MMAB: variants seen among roughly 807,000 people sequenced by gnomAD.
MMAB encodes the protein metabolism of cobalamin associated B, also known as corrinoid adenosyltransferase MMAB.
In MMAB, 17 loss-of-function variants were observed where a neutral mutation model predicts 30.6. The ratio of observed to expected loss-of-function variants is 0.56; its 90% CI spans 0.38 to 0.83. The LOEUF is 0.83. MMAB is among the 40% of genes least tolerant of loss of function. The pLI is 0.00. For synonymous variants in MMAB, 134 were observed against 138.6 expected, an observed-to-expected ratio of 0.97 and a Z score of 0.23; for missense variants, 311 against 331.6, an observed-to-expected ratio of 0.94 and a Z score of 0.48.
Position 109,555,274 on chromosome 12 carries a change from G to GGTTTTTTTTTTTTT in MMAB, c.*1740_*1753dup. 3.0e-6 allele frequency: 1 copy of GGTTTTTTTTTTTTT among 338,528 alleles called. No homozygotes were observed. 21.0% of individuals were successfully genotyped at this position (338,528 alleles called of 1,614,324 possible). On this transcript the variant is annotated 3_prime_UTR_variant, in exon 9 of 9. Coordinates refer to ENST00000545712, the MANE Select transcript of MMAB (RefSeq NM_052845.4). ...CGAGCCTTAGTGATTGCGTTTTCAG[G>GGTTTTTTTTTTTTT]GTTTTTTTTTTTTTTTTTTTTTTTT... is the stretch of plus-strand genomic sequence containing the variant.
At chr12:109,567,379 C>T (rs1028582742) in intron 3 of MMAB, among the ~76,000 whole-genome samples, 1 of 152,116 alleles carries the variant, frequency 6.6e-6, no homozygotes, top group Non-Finnish European at 1.5e-5. Flanking sequence ...CAATCAGCAG[C>T]GGTGCTGAAA....
chr12:109,566,884 T>C (rs1043834228), intron 3 of MMAB: 10 of 434,772 alleles, frequency 2.3e-5, no homozygotes, highest in East Asian at 7.1e-5. Context: ...TTTTCTCCCT[T>C]TGCCCACTTG....
intron 3 of MMAB, among the ~76,000 whole-genome samples, chr12:109,567,461 A>G (rs1382060462): frequency 2.6e-5 from 4 of 152,174 alleles, no homozygotes; most frequent in African/African-American, 9.6e-5. Context: ...TTCAGGATCC[A>G]GCACCTGAGA....
In MMAB at chr12:109,566,736, G is replaced by A. The variant is rs148007459; in HGVS notation, c.291-1560C>T. On this transcript the variant is annotated intron_variant, in intron 3 of 8. Coordinates refer to ENST00000545712, the MANE Select transcript of MMAB (RefSeq NM_052845.4). ...GAGGTTCTCTGTTGAGCAGCGCCTC[G>A]CACTGCAGATGCTTGGTCAATATCT... is the stretch of plus-strand genomic sequence containing the variant. Among the ~76,000 whole-genome samples the A allele has an allele frequency of 3.9e-5, 6 of 152,364 alleles. No homozygotes were observed. In the East Asian group the frequency reaches 5.8e-4, roughly 15 times the overall value.
In MMAB at chr12:109,561,397, G is replaced by A. The variant is rs188462301; in HGVS notation, c.519+23C>T. 8.2e-4 allele frequency: 1,273 copies of A among 1,548,780 alleles called. 1 individual carries two copies. Among genetic ancestry groups the A allele is most frequent in the Non-Finnish European group, 1.0e-3 (1,163 of 1,145,874 alleles). ...ACTGAACCTGCCTGCAGCCGCCCCCGGTTAAGCCTGCCCAGTACCTACAGG... is the reference window on the plus strand; with the variant it reads ...ACTGAACCTGCCTGCAGCCGCCCCCAGTTAAGCCTGCCCAGTACCTACAGG... On this transcript the variant is annotated intron_variant, in intron 6 of 8. Transcript: ENST00000545712. This position sits in a 1 kb window ranked among gnomAD's most constrained non-coding sequence, Gnocchi z 5.3.
intron 3 of MMAB, among the ~76,000 whole-genome samples, chr12:109,565,969 C>T (rs1884408419): frequency 6.6e-6 from 1 of 152,120 alleles, no homozygotes; most frequent in African/African-American, 2.4e-5. Context: ...GCAGGGATTC[C>T]TGGAGGAGGG....
rs573664611 is a variant in MMAB, at chr12:109,561,575, C to T, written c.422-58G>A. 52 of 1,443,152 alleles carry T rather than the reference C, an allele frequency of 3.6e-5. No homozygotes were observed. Among genetic ancestry groups the T allele is most frequent in the Admixed American group, 9.8e-5 (5 of 50,866 alleles). 89.4% of individuals were successfully genotyped at this position (1,443,152 alleles called of 1,614,324 possible). A position where few individuals can be genotyped will look rare whatever the true frequency, so the allele number is the denominator to read the frequency against. On this transcript the variant is annotated intron_variant, in intron 5 of 8. Transcript: ENST00000545712. This position sits in a 1 kb window ranked among gnomAD's most constrained non-coding sequence, Gnocchi z 5.3. ...GAGGCCATCACCCACCAGACCATGGCGGGAACCACCCCCGCCGCCCTTCCA... is the reference window on the plus strand; with the variant it reads ...GAGGCCATCACCCACCAGACCATGGTGGGAACCACCCCCGCCGCCCTTCCA...
chr12:109,556,087 C>G lies in MMAB; in HGVS notation c.*941G>C. 2.2e-6 allele frequency: 1 copy of G among 454,002 alleles called. No individual in the cohort carries two copies. Among genetic ancestry groups the G allele is most frequent in the Non-Finnish European group, 4.4e-6 (1 of 226,740 alleles). The allele number at this position is 454,002 out of a possible 1,614,324, so 28.1% of individuals were successfully genotyped here. ...CTGCCCTTCATAAATATTGCCTTTCCCAAGGACACTGCTGGCACTGGCAGT... is the reference window on the plus strand; with the variant it reads ...CTGCCCTTCATAAATATTGCCTTTCGCAAGGACACTGCTGGCACTGGCAGT... On this transcript the variant is annotated 3_prime_UTR_variant, in exon 9 of 9. Transcript: ENST00000545712.
chr12:109,559,382 G>A (rs1316245600), intron 7 of MMAB, among the ~76,000 whole-genome samples: 1 of 152,208 alleles, frequency 6.6e-6, no homozygotes, highest in Non-Finnish European at 1.5e-5. Flanking sequence ...GAGGGATCAA[G>A]GATGGCTGGT....
chr12:109,560,313 G>A (rs1884148053), intron 7 of MMAB, among the ~76,000 whole-genome samples: 1 of 152,130 alleles, frequency 6.6e-6, no homozygotes, highest in African/African-American at 2.4e-5. Flanking sequence ...ATTTCTCTGA[G>A]CCACAGCTTC....
intron 1 of MMAB, 187 bp downstream of exon 1, chr12:109,573,160 G>A (rs1442078599): frequency 1.4e-6 from 1 of 710,558 alleles, no homozygotes; most frequent in Non-Finnish European, 2.4e-6. Flanking sequence ...GACTTCATTG[G>A]GACTTAGGCA....
At chr12:109,560,905 G>C in intron 7 of MMAB, 135 bp downstream of exon 7, 1 of 884,570 alleles carries the variant, frequency 1.1e-6, no homozygotes, top group South Asian at 1.4e-5. Context: ...TGGCCCTGCT[G>C]TACCTGCCTC....
rs1353235193 is a variant in MMAB, at chr12:109,556,344, C to A, written c.*684G>T. 1 of 453,862 alleles carries A rather than the reference C, an allele frequency of 2.2e-6. No homozygotes were observed. Among genetic ancestry groups the A allele is most frequent in the Non-Finnish European group, 4.4e-6 (1 of 226,610 alleles). 28.1% of individuals were successfully genotyped at this position (453,862 alleles called of 1,614,324 possible). Reference sequence around the variant, plus strand: ...TTCACCTTCAAGTGGTAGTGTTGTTCTCATCAGCATCTCCATCCCTTTCAG... The same window carrying A: ...TTCACCTTCAAGTGGTAGTGTTGTTATCATCAGCATCTCCATCCCTTTCAG... On this transcript the variant is annotated 3_prime_UTR_variant, in exon 9 of 9. Coordinates refer to ENST00000545712, the MANE Select transcript of MMAB (RefSeq NM_052845.4).
chr12:109,572,817 C>T (rs1227973457), intron 1 of MMAB, among the ~76,000 whole-genome samples: 3 of 152,150 alleles, frequency 2.0e-5, no homozygotes, highest in Non-Finnish European at 4.4e-5. Context: ...TGAAGAATTG[C>T]CAAAATACAG....
In MMAB at chr12:109,569,515, C is replaced by T. The variant is rs1398406274; in HGVS notation, c.197-652G>A. ...ACCATCCTGATAAAGAAATACAACACGTTCTATATTTTATATCATATATAC... is the reference window on the plus strand; with the variant it reads ...ACCATCCTGATAAAGAAATACAACATGTTCTATATTTTATATCATATATAC... On this transcript the variant is annotated intron_variant, in intron 2 of 8. Transcript: ENST00000545712. The surrounding 1 kb of genome is among the most constrained non-coding windows in gnomAD (Gnocchi z 4.1). 1.3e-5 allele frequency among the ~76,000 whole-genome samples: 2 copies of T among 152,164 alleles called. No homozygotes were observed. Among genetic ancestry groups the T allele is most frequent in the Non-Finnish European group, 2.9e-5 (2 of 68,016 alleles).
At chr12:109,572,379 G>A (rs1166820628) in intron 1 of MMAB, among the ~76,000 whole-genome samples, 1 of 151,364 alleles carries the variant, frequency 6.6e-6, no homozygotes, top group Non-Finnish European at 1.5e-5. Flanking sequence ...CGAGCAGCTG[G>A]GAGCACGGGT....
intron 4 of MMAB, among the ~76,000 whole-genome samples, chr12:109,563,059 G>C (rs538623088): frequency 6.6e-6 from 1 of 152,256 alleles, no homozygotes; most frequent in Non-Finnish European, 1.5e-5. Flanking sequence ...TGTGAGAGCA[G>C]AGGCTGCCCA....
At chr12:109,571,385 G>A (rs1481876666) in intron 2 of MMAB, among the ~76,000 whole-genome samples, 2 of 151,928 alleles carry the variant, frequency 1.3e-5, no homozygotes, top group African/African-American at 4.8e-5. Context: ...AGTAGCTGCT[G>A]GGGTTACAGG....
intron 3 of MMAB, 195 bp downstream of exon 3, chr12:109,568,575 G>A: frequency 1.5e-6 from 1 of 652,792 alleles, no homozygotes; most frequent in Admixed American, 2.3e-5. Flanking sequence ...GGCACAGGCA[G>A]GGCCAGAAGG....
Sources: gnomAD v4.1 joint callset for allele counts (sites outside exome capture counted in the v4.1 genomes callset) on GRCh38, gnomAD v4.1.1 for gene constraint, Gnocchi (gnomAD v3.1) non-coding constraint, MANE v1.5 for transcripts, NCBI Gene and HGNC (gene_info 2026-07-23, HGNC 2026-07-21) for gene names.